The following FOXN3 variants were observed in gnomAD, a reference collection of about 807,000 sequenced individuals.
The protein encoded by FOXN3 is forkhead box N3, also known as forkhead box protein N3.
A neutral mutation model predicts 38.4 loss-of-function variants in FOXN3; 7 were observed. That is an observed-to-expected ratio of 0.18 (90% CI 0.10 to 0.34). The LOEUF is 0.34. FOXN3 is among the 10% of genes least tolerant of loss of function. FOXN3 has a pLI of 1.00. For synonymous variants in FOXN3, 230 were observed against 242.2 expected (o/e 0.95, Z 0.47); for missense variants, 456 against 613.4 (o/e 0.74, Z 2.71).
At chr14:89,196,492 G>C (rs767249696) in intron 4 of FOXN3, among the ~76,000 whole-genome samples, 1 of 152,130 alleles carries the variant, frequency 6.6e-6, no homozygotes, top group Non-Finnish European at 1.5e-5. Flanking sequence ...GGGCCGGTTT[G>C]GTTTTTCATC....
At chr14:89,549,082 G>A (rs1192586622) in intron 1 of FOXN3, among the ~76,000 whole-genome samples, 1 of 150,510 alleles carries the variant, frequency 6.6e-6, no homozygotes, top group African/African-American at 2.5e-5. Context: ...TCATGCCACT[G>A]CACTCCAGCC....
chr14:89,295,982 C>G (rs747117391), intron 3 of FOXN3, among the ~76,000 whole-genome samples: 4 of 152,008 alleles, frequency 2.6e-5, no homozygotes, highest in Non-Finnish European at 4.4e-5. Flanking sequence ...TCACTATCAT[C>G]ATCTCAAATA....
intron 3 of FOXN3, among the ~76,000 whole-genome samples, chr14:89,312,867 G>T (rs965980042): frequency 1.3e-5 from 2 of 152,170 alleles, no homozygotes; most frequent in African/African-American, 4.8e-5. Flanking sequence ...CTCTGTGTTA[G>T]AGGCTGCCCC....
At chr14:89,209,575 G>GT in intron 4 of FOXN3, among the ~76,000 whole-genome samples, 1 of 152,280 alleles carries the variant, frequency 6.6e-6, no homozygotes, top group Non-Finnish European at 1.5e-5. Context: ...GAGAAATACA[G>GT]TTTTTACCAA....
At chr14:89,277,077 A>G (rs545420859) in intron 4 of FOXN3, among the ~76,000 whole-genome samples, 63 of 152,318 alleles carry the variant, frequency 4.1e-4, no homozygotes, top group African/African-American at 1.4e-3. Flanking sequence ...ACCTAATTTT[A>G]AGTTTGATGG....
intron 4 of FOXN3, among the ~76,000 whole-genome samples, chr14:89,202,571 A>C (rs1888262204): frequency 6.6e-6 from 1 of 152,176 alleles, no homozygotes; most frequent in Non-Finnish European, 1.5e-5. Context: ...GTGGGGCCTC[A>C]CTGGAAGTGT....
At chr14:89,322,739 G>A (rs896867616) in intron 3 of FOXN3, among the ~76,000 whole-genome samples, 2 of 152,104 alleles carry the variant, frequency 1.3e-5, no homozygotes, top group Non-Finnish European at 2.9e-5. Flanking sequence ...GTACAGCAGA[G>A]GCACACCAGG....
At chr14:89,288,343 A>C (rs1014438821) in intron 3 of FOXN3, among the ~76,000 whole-genome samples, 2 of 152,172 alleles carry the variant, frequency 1.3e-5, no homozygotes, top group Non-Finnish European at 1.5e-5. Flanking sequence ...TTGACACTGG[A>C]GACTCAACTG....
rs10133465 is a variant in FOXN3 at position 89,482,174 on chromosome 14, A to C, written c.-14-69684T>G. 4.4e-3 allele frequency among the ~76,000 whole-genome samples: 669 copies of C among 152,356 alleles called. 8 individuals carry two copies. The highest frequency in any genetic ancestry group is 0.015 in the African/African-American group (629 of 41,588). The stretch of plus-strand genomic sequence containing the variant: ...AATAAGCAAACAAAGGCACAAAAAA[A>C]GTATATACTTTCCCCTAGTGACTCA... On this transcript the variant is annotated intron_variant, in intron 1 of 6. Coordinates refer to the FOXN3 transcript ENST00000345097.
intron 1 of FOXN3, among the ~76,000 whole-genome samples, chr14:89,515,788 G>A (rs1388274980): frequency 1.3e-5 from 2 of 152,108 alleles, no homozygotes; most frequent in Non-Finnish European, 2.9e-5. Context: ...TTAAAATAAC[G>A]TGTATGGAAA....
chr14:89,242,555 TAAC>T (rs1342838387), intron 4 of FOXN3, among the ~76,000 whole-genome samples: 2 of 152,098 alleles, frequency 1.3e-5, no homozygotes, highest in Admixed American at 6.5e-5. Context: ...ATAATAATAA[TAAC>T]GATACCACTA....
At chr14:89,206,281 C>T (rs1207204304) in intron 4 of FOXN3, among the ~76,000 whole-genome samples, 1 of 152,184 alleles carries the variant, frequency 6.6e-6, no homozygotes, top group Non-Finnish European at 1.5e-5. Context: ...AGAGCCTGGT[C>T]AGGGACACAT....
At chr14:89,267,516 G>A (rs1886021134) in intron 4 of FOXN3, among the ~76,000 whole-genome samples, 1 of 152,192 alleles carries the variant, frequency 6.6e-6, no homozygotes, top group Non-Finnish European at 1.5e-5. Flanking sequence ...ATCACTATTA[G>A]TCTAGCATGC....
Position 89,156,424 on chromosome 14 carries a change from A to G in FOXN3, c.*5990T>C, listed in dbSNP as rs554012964. The G allele has an allele frequency of 2.9e-4, 44 of 152,798 alleles. No homozygotes were observed. Among genetic ancestry groups the G allele is most frequent in the African/African-American group, 9.4e-4 (39 of 41,578 alleles). The allele number at this position is 152,798 out of a possible 1,614,324, so 9.5% of individuals were successfully genotyped here. A position where few individuals can be genotyped will look rare whatever the true frequency, so the allele number is the denominator to read the frequency against. On this transcript the variant is annotated 3_prime_UTR_variant, in exon 6 of 6. Coordinates refer to ENST00000557258, the MANE Select transcript of FOXN3 (RefSeq NM_005197.4). ...ACTGTTTCTTTAGGTTTACATGAAC[A>G]TAACAGAACATCACGTTCTTTCTCC...
At chr14:89,192,004 AT>A (rs896356433) in intron 4 of FOXN3, among the ~76,000 whole-genome samples, 7 of 143,804 alleles carry the variant, frequency 4.9e-5, no homozygotes, top group Non-Finnish European at 1.0e-4. Context: ...ATTAGCTAAT[AT>A]AATTAATCAT....
In FOXN3 at chr14:89,535,204, C is replaced by CTT. The variant is rs11455930; in HGVS notation, c.-15+83822_-15+83823dup. Among the ~76,000 whole-genome samples the CTT allele has an allele frequency of 1.7e-3, 242 of 145,124 alleles. 4 individuals carry two copies. Among genetic ancestry groups the CTT allele is most frequent in the Middle Eastern group, 0.011 (3 of 284 alleles). ...ACGCACAGCTTTCCTTTTCTTTCCTCTTTTTTTTTTTTTAAGTTAAGGTGA... is the reference window on the plus strand; with the variant it reads ...ACGCACAGCTTTCCTTTTCTTTCCTCTTTTTTTTTTTTTTTAAGTTAAGGTGA... On this transcript the variant is annotated intron_variant, in intron 1 of 6. Coordinates refer to the FOXN3 transcript ENST00000345097.
At chr14:89,616,828 T>C (rs944198537) in intron 1 of FOXN3, among the ~76,000 whole-genome samples, 1 of 152,192 alleles carries the variant, frequency 6.6e-6, no homozygotes, top group Non-Finnish European at 1.5e-5. Flanking sequence ...TCATCCTTAG[T>C]TTAAGGCTCT....
chr14:89,233,473 TC>T (rs1456718552), intron 4 of FOXN3, among the ~76,000 whole-genome samples: 2 of 152,246 alleles, frequency 1.3e-5, no homozygotes, highest in Non-Finnish European at 2.9e-5. Flanking sequence ...AAATTATTTT[TC>T]AGTGACACAT....
At chr14:89,433,256 G>A (rs1037084797) in intron 1 of FOXN3, among the ~76,000 whole-genome samples, 12 of 152,114 alleles carry the variant, frequency 7.9e-5, no homozygotes, top group African/African-American at 2.9e-4. Context: ...GGCCAAGGTG[G>A]GCAGATCACA....
Sources: allele counts gnomAD v4.1 joint callset (sites outside exome capture counted in the v4.1 genomes callset), GRCh38; gene constraint gnomAD v4.1.1; transcripts MANE v1.5; gene names NCBI Gene and HGNC (gene_info 2026-07-23, HGNC 2026-07-21).